The following ATP8A2 variants were observed in gnomAD, a reference collection of about 807,000 sequenced individuals.
The protein encoded by ATP8A2 is ATPase phospholipid transporting 8A2.
ATP8A2 carries 100 observed loss-of-function variants against 165.6 expected under a neutral mutation model. That is an observed-to-expected ratio of 0.60 (90% CI 0.51 to 0.71). The LOEUF (loss-of-function observed/expected upper bound fraction) is 0.71. Ranked by LOEUF, ATP8A2 falls within the 30% of genes least tolerant of loss-of-function variation. The pLI is 0.00. For synonymous variants in ATP8A2, 543 were observed against 548.8 expected (o/e 0.99, Z 0.15); for missense variants, 1,227 against 1,479.5 (o/e 0.83, Z 2.80).
At chr13:25,840,902 G>T (rs1951735410) in intron 30 of ATP8A2, among the ~76,000 whole-genome samples, 1 of 152,154 alleles carries the variant, frequency 6.6e-6, no homozygotes. Context: ...AGAAGAGTCT[G>T]CAAATAGCAT....
At chr13:25,435,957 G>GTGTGTA (rs1555270393) in intron 1 of ATP8A2, among the ~76,000 whole-genome samples, 35 of 149,172 alleles carry the variant, frequency 2.3e-4, no homozygotes, top group African/African-American at 8.4e-4. Context: ...GTGTGAGTGT[G>GTGTGTA]TGTGTGTGTG....
rs3981881 is a variant in ATP8A2, at chr13:25,814,620, TA to T, written c.2680-13480del. Among the ~76,000 whole-genome samples, 821 of 129,606 alleles carry T rather than the reference TA, an allele frequency of 6.3e-3. 14 individuals carry two copies. The highest frequency in any genetic ancestry group is 0.022 in the African/African-American group (771 of 34,268). 85.0% of individuals were successfully genotyped at this position (129,606 alleles called of 152,430 possible). ...AACAAGAGTGCCGAGAGCATTCAAT[TA>T]AAAAAAAAAAAAAAAAAGTCCTTTC... On this transcript the variant is annotated intron_variant, in intron 27 of 36. Coordinates refer to ENST00000381655, the MANE Select transcript of ATP8A2 (RefSeq NM_016529.6).
At chr13:25,955,239 T>A (rs1444502199) in intron 33 of ATP8A2, among the ~76,000 whole-genome samples, 1 of 151,888 alleles carries the variant, frequency 6.6e-6, no homozygotes, top group South Asian at 2.1e-4. Context: ...GCAAACAAAT[T>A]CAAATACTAG....
chr13:25,405,685 T>A (rs2033779976), intron 1 of ATP8A2, among the ~76,000 whole-genome samples: 1 of 152,206 alleles, frequency 6.6e-6, no homozygotes, highest in Non-Finnish European at 1.5e-5. Context: ...ACCTTCTGGA[T>A]CATGAGTTTT....
chr13:25,440,660 G>T (rs1165149542), intron 1 of ATP8A2, among the ~76,000 whole-genome samples: 1 of 152,168 alleles, frequency 6.6e-6, no homozygotes, highest in Non-Finnish European at 1.5e-5. Flanking sequence ...TTTAAAAAAT[G>T]TATAGATGCA....
At position 25,558,907 on chromosome 13, in the gene ATP8A2, A is replaced by C. The variant is rs1257568158; in HGVS notation, c.1264-66A>C. ...GGTTTTGAAAAATATAGAAGGAAAGACTTCATTTGTTGATCTTTGCATCTC... is the reference window on the plus strand; with the variant it reads ...GGTTTTGAAAAATATAGAAGGAAAGCCTTCATTTGTTGATCTTTGCATCTC... On this transcript the variant is annotated intron_variant, in intron 13 of 36. Coordinates refer to ENST00000381655, the MANE Select transcript of ATP8A2 (RefSeq NM_016529.6). The C allele has an allele frequency of 2.6e-6, 3 of 1,132,166 alleles. No homozygotes were observed. The African/African-American group carries it at 4.7e-5, about 18-fold the overall frequency. The allele number at this position is 1,132,166 out of a possible 1,614,324, so 70.1% of individuals were successfully genotyped here.
chr13:25,734,152 T>G (rs2043715929), intron 25 of ATP8A2, among the ~76,000 whole-genome samples: 2 of 152,338 alleles, frequency 1.3e-5, no homozygotes, highest in South Asian at 2.1e-4. Context: ...TAAATGCCTA[T>G]TCGACTGAAT....
In ATP8A2 at chr13:25,828,167, G is replaced by A. The variant is rs748026425; in HGVS notation, c.2729G>A (p.Arg910His). 2.9e-5 allele frequency: 47 copies of A among 1,613,914 alleles called. No individual in the cohort carries two copies. The highest frequency in any genetic ancestry group is 4.0e-5 in the African/African-American group (3 of 74,906). The stretch of plus-strand genomic sequence containing the variant: ...TTTTCTGGGCAGATTTTATTTGAAC[G>A]TTGGTGCATCGGCCTGTACAATGTG... ...NGFSGQILFE[R>H]WCIGLYNVIF... Residue 910 changes from arginine (R) to histidine (H), a missense_variant, in exon 28 of 37, where the codon CGT becomes CAT. By Grantham distance (29) the Arg-to-His change is conservative (BLOSUM62 0). Transcript: ENST00000381655.
chr13:25,519,481 A>G (rs1255377207), intron 2 of ATP8A2, among the ~76,000 whole-genome samples: 5 of 151,938 alleles, frequency 3.3e-5, no homozygotes, highest in Non-Finnish European at 5.9e-5. Context: ...ACACTGCCCT[A>G]GTACATAATT....
At chr13:25,967,210 T>G (rs1955797741) in intron 34 of ATP8A2, among the ~76,000 whole-genome samples, 1 of 152,196 alleles carries the variant, frequency 6.6e-6, no homozygotes, top group South Asian at 2.1e-4. Context: ...AAATTAAAAT[T>G]CCACAGGCTC....
chr13:25,978,895 G>A (rs531885578), intron 35 of ATP8A2, among the ~76,000 whole-genome samples: 1 of 152,070 alleles, frequency 6.6e-6, no homozygotes, highest in Non-Finnish European at 1.5e-5. Context: ...AGCCGAGATC[G>A]CGCCACTGCA....
intron 24 of ATP8A2, among the ~76,000 whole-genome samples, chr13:25,675,957 A>G (rs1165275122): frequency 6.6e-6 from 1 of 152,240 alleles, no homozygotes; most frequent in Admixed American, 6.5e-5. Flanking sequence ...AATGAAAAAT[A>G]CTCAAGGTAT....
At chr13:25,415,741 T>C (rs2034114227) in intron 1 of ATP8A2, among the ~76,000 whole-genome samples, 1 of 152,168 alleles carries the variant, frequency 6.6e-6, no homozygotes, top group African/African-American at 2.4e-5. Context: ...CTCAATCAAT[T>C]ATCTGATCAA....
intron 16 of ATP8A2, among the ~76,000 whole-genome samples, chr13:25,565,534 G>T (rs548819274): frequency 5.3e-5 from 8 of 152,252 alleles, no homozygotes; most frequent in Non-Finnish European, 8.8e-5. Context: ...CTTCTTTTAA[G>T]AATTGTCTAT....
chr13:25,656,755 A>AG (rs2041937435), intron 24 of ATP8A2, among the ~76,000 whole-genome samples: 1 of 150,370 alleles, frequency 6.7e-6, no homozygotes, highest in Non-Finnish European at 1.5e-5. Flanking sequence ...AAAAAAAAAA[A>AG]AGATATATTT....
chr13:25,986,497 A>T (rs758033128), intron 35 of ATP8A2, among the ~76,000 whole-genome samples: 13 of 152,194 alleles, frequency 8.5e-5, no homozygotes, highest in Non-Finnish European at 1.3e-4. Context: ...ACCTAATGTG[A>T]AGTCTTCCAG....
At chr13:25,417,515 A>G (rs570603229) in intron 1 of ATP8A2, among the ~76,000 whole-genome samples, 1 of 83,674 alleles carries the variant, frequency 1.2e-5, no homozygotes, top group South Asian at 3.3e-4. Flanking sequence ...TATTAACTTC[A>G]TGGTACAGAT....
intron 4 of ATP8A2, among the ~76,000 whole-genome samples, chr13:25,531,314 A>G (rs890142764): frequency 7.7e-6 from 1 of 130,556 alleles, no homozygotes; most frequent in Non-Finnish European, 1.6e-5. Flanking sequence ...TATGATATAT[A>G]TGTTATATAT....
intron 2 of ATP8A2, among the ~76,000 whole-genome samples, chr13:25,518,694 G>A (rs1467932539): frequency 1.3e-5 from 2 of 152,156 alleles, no homozygotes; most frequent in Non-Finnish European, 2.9e-5. Context: ...GTGGGTTCTT[G>A]CTTTCTGCTG....
Sources: allele counts gnomAD v4.1 joint callset (sites outside exome capture counted in the v4.1 genomes callset), GRCh38; gene constraint gnomAD v4.1.1; transcripts MANE v1.5; gene names NCBI Gene and HGNC (gene_info 2026-07-23, HGNC 2026-07-21).